THSD4: variants seen among roughly 807,000 people sequenced by gnomAD.
THSD4 encodes thrombospondin type-1 domain-containing protein 4.
A neutral mutation model predicts 119.0 loss-of-function variants in THSD4; 69 were observed. The ratio of observed to expected loss-of-function variants is 0.58; its 90% CI spans 0.48 to 0.71. The LOEUF is 0.71. Ranked by LOEUF, THSD4 falls within the 30% of genes least tolerant of loss-of-function variation. The pLI is 0.00. For synonymous variants in THSD4, 524 were observed against 540.4 expected (o/e 0.97, Z 0.42); for missense variants, 1,393 against 1,391.1 (o/e 1.00, Z -0.02).
chr15:71,254,810 G>C (rs947460676), intron 5 of THSD4, among the ~76,000 whole-genome samples: 6 of 152,208 alleles, frequency 3.9e-5, no homozygotes, highest in Admixed American at 2.0e-4. Context: ...TAGGAGACAG[G>C]CTTCTGTGGC....
At chr15:71,430,119 G>T (rs2046922133) in intron 7 of THSD4, among the ~76,000 whole-genome samples, 1 of 151,660 alleles carries the variant, frequency 6.6e-6, no homozygotes, top group South Asian at 2.1e-4. Flanking sequence ...TCAAAGCCAA[G>T]TTTACTAGCT....
intron 6 of THSD4, among the ~76,000 whole-genome samples, chr15:71,296,292 C>G (rs1386635988): frequency 2.0e-5 from 3 of 152,148 alleles, no homozygotes; most frequent in African/African-American, 7.2e-5. Context: ...AAGGGTTACC[C>G]TCTGGAGAGC....
intron 7 of THSD4, among the ~76,000 whole-genome samples, chr15:71,493,068 A>G (rs1162780188): frequency 2.0e-5 from 3 of 152,196 alleles, no homozygotes; most frequent in Non-Finnish European, 2.9e-5. Flanking sequence ...TCAGAGCCAT[A>G]TGGTTGTTCT....
rs183887184 is a variant in THSD4 at position 71,470,651 on chromosome 15, C to T, written c.1152+58828C>T. On this transcript the variant is annotated intron_variant, in intron 7 of 17. Transcript: ENST00000261862. Reference sequence around the variant, plus strand: ...TTTATTATTTTTTTTTTTTTTGAGACGGAGTCTCGCTCTGTCGCCCAGGCC... The same window carrying T: ...TTTATTATTTTTTTTTTTTTTGAGATGGAGTCTCGCTCTGTCGCCCAGGCC... Among the ~76,000 whole-genome samples the T allele has an allele frequency of 7.9e-3, 1,167 of 148,174 alleles. 13 individuals are homozygous for T. The highest frequency in any genetic ancestry group is 0.027 in the African/African-American group (1,103 of 40,282).
intron 8 of THSD4, among the ~76,000 whole-genome samples, chr15:71,697,479 C>CA (rs1259263593): frequency 6.6e-6 from 1 of 152,202 alleles, no homozygotes; most frequent in African/African-American, 2.4e-5. Flanking sequence ...TGTCTCCCAG[C>CA]AAGCCTCTGC....
intron 3 of THSD4, among the ~76,000 whole-genome samples, chr15:71,201,701 G>T (rs1309761388): frequency 6.6e-6 from 1 of 152,220 alleles, no homozygotes; most frequent in African/African-American, 2.4e-5. Context: ...GTTTGCATTT[G>T]CACAGGGTTT....
chr15:71,660,309 T>G, intron 7 of THSD4: 1 of 563,656 alleles, frequency 1.8e-6, no homozygotes, highest in South Asian at 2.0e-5. Flanking sequence ...TTCCCTAGTC[T>G]TTTTCCCAGT....
At chr15:71,440,624 T>C (rs987594626) in intron 7 of THSD4, among the ~76,000 whole-genome samples, 2 of 152,206 alleles carry the variant, frequency 1.3e-5, no homozygotes, top group African/African-American at 4.8e-5. Context: ...ACGTGAGACT[T>C]GTAATACTGC....
At chr15:71,752,141 G>A (rs1276800047) in intron 14 of THSD4, among the ~76,000 whole-genome samples, 2 of 152,116 alleles carry the variant, frequency 1.3e-5, no homozygotes, top group Non-Finnish European at 2.9e-5. Context: ...AAAAGGCAGG[G>A]GGCACAGAGC....
chr15:71,542,880 A>AC (rs1441860870), intron 7 of THSD4, among the ~76,000 whole-genome samples: 3 of 151,848 alleles, frequency 2.0e-5, no homozygotes, highest in Non-Finnish European at 2.9e-5. Flanking sequence ...CTGTCTCAAA[A>AC]AAAAAAACAA....
chr15:71,198,984 T>G (rs2043744519), intron 3 of THSD4, among the ~76,000 whole-genome samples: 1 of 152,236 alleles, frequency 6.6e-6, no homozygotes, highest in Admixed American at 6.5e-5. Context: ...GTTCTCCTAA[T>G]AGTAGATTCC....
At chr15:71,144,208 G>T (rs1404819476) in intron 2 of THSD4, among the ~76,000 whole-genome samples, 2 of 152,192 alleles carry the variant, frequency 1.3e-5, no homozygotes, top group Non-Finnish European at 2.9e-5. Flanking sequence ...ATCTCAGCTT[G>T]AGATTCCCAT....
intron 8 of THSD4, among the ~76,000 whole-genome samples, chr15:71,662,340 G>T (rs897865883): frequency 2.0e-5 from 3 of 152,084 alleles, no homozygotes; most frequent in African/African-American, 7.2e-5. Flanking sequence ...AATTTGCTTT[G>T]ACAAAACCCA....
intron 8 of THSD4, among the ~76,000 whole-genome samples, chr15:71,661,451 A>C (rs563108562): frequency 1.0e-3 from 151 of 151,280 alleles, no homozygotes; most frequent in African/African-American, 3.5e-3. Context: ...GTTCGAGTGC[A>C]GTGGTGCGAT....
chr15:71,372,582 T>C (rs2046069878), intron 6 of THSD4, among the ~76,000 whole-genome samples: 1 of 152,274 alleles, frequency 6.6e-6, no homozygotes, highest in Non-Finnish European at 1.5e-5. Flanking sequence ...CAGTGGAGGC[T>C]GCAAAACAGC....
At chr15:71,692,664 G>A (rs921711524) in intron 8 of THSD4, among the ~76,000 whole-genome samples, 5 of 152,144 alleles carry the variant, frequency 3.3e-5, no homozygotes, top group Non-Finnish European at 5.9e-5. Context: ...CTGAGTTGGA[G>A]TGTCGCTCTG....
At chr15:71,603,619 G>A (rs2140897347) in intron 7 of THSD4, among the ~76,000 whole-genome samples, 1 of 152,240 alleles carries the variant, frequency 6.6e-6, no homozygotes, top group Admixed American at 6.5e-5. Flanking sequence ...GGCTCCCATA[G>A]GTTCAGGGAC....
intron 15 of THSD4, 43 bp from the exon 16 acceptor site, chr15:71,764,977 T>C: frequency 1.9e-6 from 3 of 1,581,738 alleles, no homozygotes; most frequent in Non-Finnish European, 2.6e-6. Context: ...TGCCACCCCC[T>C]TTCCATCATG....
intron 7 of THSD4, among the ~76,000 whole-genome samples, chr15:71,475,392 G>C (rs12907052): frequency 0.2 from 30,232 of 152,242 alleles, 3,348 homozygotes; most frequent in South Asian, 0.37. Flanking sequence ...AAAATGGCTT[G>C]TGGTTGTTTA....
Sources: gnomAD v4.1 joint callset for allele counts (sites outside exome capture counted in the v4.1 genomes callset) on GRCh38, gnomAD v4.1.1 for gene constraint, MANE v1.5 for transcripts, NCBI Gene and HGNC (gene_info 2026-07-23, HGNC 2026-07-21) for gene names.